The following PRKCE variants were observed in gnomAD, a reference collection of about 807,000 sequenced individuals.
PRKCE encodes the protein protein kinase C epsilon type.
PRKCE carries 16 observed loss-of-function variants against 85.4 expected under a neutral mutation model. The ratio of observed to expected loss-of-function variants is 0.19; its 90% CI spans 0.13 to 0.28. PRKCE has a LOEUF of 0.28. Among genes scored for constraint, PRKCE ranks in the 10% least tolerant of loss-of-function variants. The pLI, the probability that PRKCE is intolerant of heterozygous loss-of-function variation, is 1.00. For missense variants in PRKCE, 573 were observed against 975.2 expected, an observed-to-expected ratio of 0.59 and a Z score of 5.49; for synonymous variants, 388 against 371.5, an observed-to-expected ratio of 1.04 and a Z score of -0.51.
chr2:45,970,806 G>A (rs1574068180), intron 2 of PRKCE, among the ~76,000 whole-genome samples: 2 of 151,270 alleles, frequency 1.3e-5, no homozygotes, highest in South Asian at 4.2e-4. Flanking sequence ...GTGTCACTAC[G>A]TCTATAACCT....
chr2:46,019,814 G>T (rs68122031), intron 10 of PRKCE, among the ~76,000 whole-genome samples: 15 of 141,738 alleles, frequency 1.1e-4, no homozygotes, highest in African/African-American at 2.3e-4. Flanking sequence ...CTCCTAAACT[G>T]TTTGCTTTTT....
At position 46,049,985 on chromosome 2, in the gene PRKCE, G is replaced by A. The variant is rs1226702684; in HGVS notation, c.1438-36223G>A. On this transcript the variant is annotated intron_variant, in intron 10 of 14. Transcript: ENST00000306156. Reference sequence around the variant, plus strand: ...GTCACCATGGCCAGTGTAGAAGGCTGGGGGTAAAAGCTGGGCCCACCGACT... The same window carrying A: ...GTCACCATGGCCAGTGTAGAAGGCTAGGGGTAAAAGCTGGGCCCACCGACT... Among the ~76,000 whole-genome samples, 3 of 152,294 alleles carry A rather than the reference G, an allele frequency of 2.0e-5. No individual in the cohort carries two copies. In the East Asian group the frequency reaches 5.8e-4, roughly 29 times the overall value.
chr2:45,822,038 G>A (rs1361034371), intron 1 of PRKCE, among the ~76,000 whole-genome samples: 2 of 152,118 alleles, frequency 1.3e-5, no homozygotes, highest in Admixed American at 6.5e-5. Context: ...AGCCGGCTTC[G>A]GCTGAAGGGC....
At chr2:46,102,950 C>T (rs1467913276) in intron 11 of PRKCE, among the ~76,000 whole-genome samples, 2 of 152,114 alleles carry the variant, frequency 1.3e-5, no homozygotes, top group East Asian at 3.8e-4. Context: ...ATACTGTATT[C>T]TTTGCAAAGA....
chr2:46,100,983 C>T (rs1485751721), intron 11 of PRKCE, among the ~76,000 whole-genome samples: 1 of 152,210 alleles, frequency 6.6e-6, no homozygotes, highest in African/African-American at 2.4e-5. Context: ...ATTCTCCCTC[C>T]TCAGCCTCCC....
intron 11 of PRKCE, among the ~76,000 whole-genome samples, chr2:46,110,894 A>AT (rs1161340972): frequency 1.3e-5 from 2 of 151,758 alleles, no homozygotes; most frequent in Non-Finnish European, 2.9e-5. Flanking sequence ...TTGTATTTTC[A>AT]TTTTCACTAA....
At chr2:45,706,088 T>G (rs1293490978) in intron 1 of PRKCE, among the ~76,000 whole-genome samples, 1 of 152,206 alleles carries the variant, frequency 6.6e-6, no homozygotes, top group Admixed American at 6.5e-5. Context: ...TGCCAGAGAT[T>G]TCACCTGAGA....
rs111962874 is a variant in PRKCE, at chr2:46,147,745, G to A, written c.1731+2514G>A. On this transcript the variant is annotated intron_variant, in intron 12 of 14. Coordinates refer to ENST00000306156, the MANE Select transcript of PRKCE (RefSeq NM_005400.3). ...AGTGCCCAGCCCACAGGGAGTGCTGGCTAAATGGTGGCTTCATGGTTATCA... is the reference window on the plus strand; with the variant it reads ...AGTGCCCAGCCCACAGGGAGTGCTGACTAAATGGTGGCTTCATGGTTATCA... Among the ~76,000 whole-genome samples, 422 of 152,348 alleles carry A rather than the reference G, an allele frequency of 2.8e-3. 2 individuals carry two copies. Among genetic ancestry groups the A allele is most frequent in the African/African-American group, 9.7e-3 (402 of 41,576 alleles).
At position 46,185,070 on chromosome 2, in the gene PRKCE, C is replaced by T. The variant is rs1029001356; in HGVS notation, c.*189C>T. 15 of 710,096 alleles carry T rather than the reference C, an allele frequency of 2.1e-5. No individual in the cohort carries two copies. The highest frequency in any genetic ancestry group is 1.2e-4 in the Admixed American group (4 of 33,950). 44.0% of individuals were successfully genotyped at this position (710,096 alleles called of 1,614,324 possible). ...CCCCTCCCACCTGGTGACCAGAAGG[C>T]GCTCTCGGTTCTTGTCTCACCAGTA... On this transcript the variant is annotated 3_prime_UTR_variant, in exon 15 of 15. Coordinates refer to ENST00000306156, the MANE Select transcript of PRKCE (RefSeq NM_005400.3). This position sits in a 1 kb window ranked among gnomAD's most constrained non-coding sequence, Gnocchi z 4.7.
intron 2 of PRKCE, among the ~76,000 whole-genome samples, chr2:45,863,802 G>A (rs542497480): frequency 6.6e-6 from 1 of 152,104 alleles, no homozygotes; most frequent in East Asian, 1.9e-4. Flanking sequence ...TCATCTGGGT[G>A]TGTAGGAGAT....
At chr2:45,871,932 T>C (rs1367663514) in intron 2 of PRKCE, among the ~76,000 whole-genome samples, 1 of 152,212 alleles carries the variant, frequency 6.6e-6, no homozygotes. Flanking sequence ...GCAGAACTCC[T>C]GTCCCCATTC....
intron 2 of PRKCE, among the ~76,000 whole-genome samples, chr2:45,855,767 A>G (rs1692621215): frequency 6.6e-6 from 1 of 152,192 alleles, no homozygotes; most frequent in South Asian, 2.1e-4. Context: ...TTAGCTTCTT[A>G]ACTTGAGAAG....
At chr2:45,809,004 G>A (rs1400167387) in intron 1 of PRKCE, among the ~76,000 whole-genome samples, 1 of 152,120 alleles carries the variant, frequency 6.6e-6, no homozygotes, top group Admixed American at 6.5e-5. Context: ...CTGAACCTGA[G>A]AGTCCTCGTC....
At chr2:45,701,792 C>T (rs931350611) in intron 1 of PRKCE, among the ~76,000 whole-genome samples, 21 of 152,202 alleles carry the variant, frequency 1.4e-4, no homozygotes, top group Admixed American at 8.5e-4. Context: ...ACCTATTACA[C>T]AGGTGTTTTA....
intron 2 of PRKCE, among the ~76,000 whole-genome samples, chr2:45,928,897 G>GCTGGGAGT (rs1698830230): frequency 6.6e-6 from 1 of 152,148 alleles, no homozygotes; most frequent in Non-Finnish European, 1.5e-5. Context: ...GTACCCCGAG[G>GCTGGGAGT]CTGGGAGTCT....
At chr2:45,981,343 G>A (rs1489579692) in intron 5 of PRKCE, among the ~76,000 whole-genome samples, 1 of 152,198 alleles carries the variant, frequency 6.6e-6, no homozygotes, top group Non-Finnish European at 1.5e-5. Flanking sequence ...GAAAGGCCTT[G>A]GGTAGGTTTA....
intron 1 of PRKCE, among the ~76,000 whole-genome samples, chr2:45,666,461 T>A (rs552317005): frequency 6.6e-6 from 1 of 151,882 alleles, no homozygotes; most frequent in South Asian, 2.1e-4. Context: ...GCCAGGTGGA[T>A]CTCTTATCCT....
chr2:45,811,510 A>G (rs1370865050), intron 1 of PRKCE, among the ~76,000 whole-genome samples: 1 of 152,234 alleles, frequency 6.6e-6, no homozygotes, highest in Admixed American at 6.5e-5. Flanking sequence ...GGGCCAGACA[A>G]AAGAGGGAGG....
At chr2:46,052,646 C>G (rs1708926924) in intron 10 of PRKCE, among the ~76,000 whole-genome samples, 1 of 152,178 alleles carries the variant, frequency 6.6e-6, no homozygotes, top group African/African-American at 2.4e-5. Flanking sequence ...ACAAGCCGAT[C>G]TTAAAATTCA....
Sources: allele counts gnomAD v4.1 joint callset (sites outside exome capture counted in the v4.1 genomes callset), GRCh38; gene constraint gnomAD v4.1.1; non-coding constraint Gnocchi (gnomAD v3.1); transcripts MANE v1.5; gene names NCBI Gene and HGNC (gene_info 2026-07-23, HGNC 2026-07-21).